The following PAX8 variants were observed in gnomAD, a reference collection of about 807,000 sequenced individuals.
The protein encoded by PAX8 is paired box 8, also known as paired box protein Pax-8.
A neutral mutation model predicts 52.4 loss-of-function variants in PAX8; 15 were observed. That is an observed-to-expected ratio of 0.29 (90% CI 0.19 to 0.44). The LOEUF (loss-of-function observed/expected upper bound fraction) is 0.44. Ranked by LOEUF, PAX8 falls within the 20% of genes least tolerant of loss-of-function variation. PAX8 has a pLI of 1.00. For missense variants in PAX8, 554 were observed against 602.5 expected, an observed-to-expected ratio of 0.92 and a Z score of 0.84; for synonymous variants, 284 against 249.7, an observed-to-expected ratio of 1.14 and a Z score of -1.29.
intron 2 of PAX8, chr2:113,267,963 G>A (rs1693200069): frequency 6.6e-6 from 1 of 152,244 alleles, no homozygotes; most frequent in Non-Finnish European, 1.5e-5. Context: ...CAGGTGTCCA[G>A]GCTATAAGAT....
intron 8 of PAX8, 145 bp from the exon 9 acceptor site, chr2:113,235,727 C>T: frequency 1.6e-6 from 1 of 627,020 alleles, no homozygotes; most frequent in Non-Finnish European, 2.7e-6. Flanking sequence ...TGGGGAGAGC[C>T]GGGGCCCACG....
intron 2 of PAX8, among the ~76,000 whole-genome samples, chr2:113,248,088 G>A (rs985272520): frequency 7.9e-5 from 12 of 152,152 alleles, no homozygotes; most frequent in African/African-American, 2.9e-4. Context: ...AGACTCAGAG[G>A]CAAGAGGATA....
At chr2:113,232,958 A>T (rs1345572137) in intron 9 of PAX8, among the ~76,000 whole-genome samples, 1 of 151,802 alleles carries the variant, frequency 6.6e-6, no homozygotes, top group Non-Finnish European at 1.5e-5. Context: ...CTAGCCTGCC[A>T]TTCTCAGAAG....
At chr2:113,230,367 C>T (rs1689817995) in intron 9 of PAX8, 1 of 152,336 alleles carries the variant, frequency 6.6e-6, no homozygotes, top group Admixed American at 6.5e-5. Context: ...AGGGCATATA[C>T]TCCCCTTACA....
chr2:113,273,383 CA>C (rs1693595586), intron 2 of PAX8: 2 of 152,190 alleles, frequency 1.3e-5, no homozygotes, highest in Non-Finnish European at 2.9e-5. Flanking sequence ...TGTTCCTAAG[CA>C]TAGAAGACTC....
chr2:113,243,403 T>G (rs953237327), intron 4 of PAX8, among the ~76,000 whole-genome samples: 1 of 152,144 alleles, frequency 6.6e-6, no homozygotes, highest in African/African-American at 2.4e-5. Context: ...CTTTCTTTTT[T>G]TTTTTGAGAT....
chr2:113,217,504 C>T lies in PAX8; in HGVS notation c.*1029G>A, dbSNP rs527418580. ...AGTCTGGGGGTTAGAAAGAAGGAAG[C>T]TTGACCCAAACAAAGTTTCATTTAC... On this transcript the variant is annotated 3_prime_UTR_variant, in exon 12 of 12. Coordinates refer to ENST00000429538, the MANE Select transcript of PAX8 (RefSeq NM_003466.4). 120 of 230,360 alleles carry T rather than the reference C, an allele frequency of 5.2e-4. No homozygotes were observed. Among genetic ancestry groups the T allele is most frequent in the Non-Finnish European group, 9.0e-4 (104 of 116,046 alleles). 14.3% of individuals were successfully genotyped at this position (230,360 alleles called of 1,614,324 possible).
chr2:113,242,267 C>T, intron 5 of PAX8, 137 bp from the exon 6 acceptor site: 1 of 687,916 alleles, frequency 1.5e-6, no homozygotes, highest in Non-Finnish European at 2.5e-6. Context: ...GTGGGACACC[C>T]CTTACAGCCC....
At chr2:113,269,922 G>C (rs942366785) in intron 2 of PAX8, 1 of 152,168 alleles carries the variant, frequency 6.6e-6, no homozygotes, top group Non-Finnish European at 1.5e-5. Context: ...TCAACACACA[G>C]TCCACAGACA....
intron 2 of PAX8, among the ~76,000 whole-genome samples, chr2:113,264,014 G>C (rs1383724745): frequency 1.3e-5 from 2 of 152,222 alleles, no homozygotes; most frequent in African/African-American, 4.8e-5. Flanking sequence ...GAAGCACTTA[G>C]TATATGTCTA....
At chr2:113,219,264 G>C (rs933471067) in intron 11 of PAX8, among the ~76,000 whole-genome samples, 4 of 152,178 alleles carry the variant, frequency 2.6e-5, no homozygotes, top group African/African-American at 9.7e-5. Flanking sequence ...GGGAGGAGAG[G>C]GGGTCTTGGG....
Position 113,217,307 on chromosome 2 carries a change from G to C in PAX8, c.*1226C>G, listed in dbSNP as rs1416942307. ...CGGCTACTCAGCTCTGATGTTCTTG[G>C]GAGAAAGCCCAGCCCCGGGATGCCT... is the stretch of plus-strand genomic sequence containing the variant. On this transcript the variant is annotated 3_prime_UTR_variant, in exon 12 of 12. Transcript: ENST00000429538. 1.8e-5 allele frequency: 4 copies of C among 227,098 alleles called. No homozygotes were observed. The highest frequency in any genetic ancestry group is 3.5e-5 in the Non-Finnish European group (4 of 114,060). The allele number at this position is 227,098 out of a possible 1,614,324, so 14.1% of individuals were successfully genotyped here.
intron 2 of PAX8, among the ~76,000 whole-genome samples, chr2:113,258,115 C>T (rs11887525): frequency 2.6e-5 from 4 of 152,046 alleles, no homozygotes; most frequent in East Asian, 1.9e-4. Context: ...TATGTCCTTT[C>T]GTCACCTACC....
chr2:113,224,836 AAATATAAAATAAAATAAAAT>A (rs1395932283), intron 10 of PAX8, among the ~76,000 whole-genome samples: 46 of 138,258 alleles, frequency 3.3e-4, no homozygotes, highest in African/African-American at 1.3e-3. Context: ...AAATAAAATA[AAATATAAAATAAAATAAAAT>A]AAAATAAAAT....
At chr2:113,257,176 CTCTT>C (rs1692324210) in intron 2 of PAX8, among the ~76,000 whole-genome samples, 1 of 152,200 alleles carries the variant, frequency 6.6e-6, no homozygotes, top group South Asian at 2.1e-4. Flanking sequence ...TCTCTTCTCT[CTCTT>C]CTAAAATCCT....
rs1172792266 is a variant in PAX8 at position 113,236,708 on chromosome 2, A to G, written c.791T>C (p.Leu264Pro). The G allele has an allele frequency of 6.4e-6, 10 of 1,571,682 alleles. No individual in the cohort carries two copies. Among genetic ancestry groups the G allele is most frequent in the East Asian group, 2.3e-5 (1 of 42,670 alleles). Residue 264 changes from leucine (L) to proline (P), a missense_variant, in exon 8 of 12, where the codon CTG (leucine) becomes CCG (proline). Coordinates refer to ENST00000429538, the MANE Select transcript of PAX8 (RefSeq NM_003466.4). ...GTCCAGGGTGCTGTTGAGCAAGGGC[A>G]GCGGGTAGAGGCCCTGGGGAGCAAA... ...HTKGEQGLYP[L>P]PLLNSTLDDG...
Position 113,222,644 on chromosome 2 carries a change from C to T in PAX8, c.1190-2466G>A, listed in dbSNP as rs141865911. 2.0e-5 allele frequency among the ~76,000 whole-genome samples: 3 copies of T among 152,298 alleles called. No individual in the cohort carries two copies. In the East Asian group the frequency reaches 5.8e-4, roughly 29 times the overall value. On this transcript the variant is annotated intron_variant, in intron 10 of 11. Transcript: ENST00000429538. ...TGATCCCGTTTTCTGTTTCATCAGT[C>T]TCTCCCTTCACCCTGCAAACATATT...
At chr2:113,235,197 A>C (rs1034375891) in intron 9 of PAX8, 197 bp downstream of exon 9, 7 of 580,854 alleles carry the variant, frequency 1.2e-5, no homozygotes, top group Non-Finnish European at 2.1e-5. Flanking sequence ...GCACCCCTAC[A>C]GCATCCGCCC....
Position 113,218,378 on chromosome 2 carries a change from G to T in PAX8, c.*155C>A. On this transcript the variant is annotated 3_prime_UTR_variant, in exon 12 of 12. Transcript: ENST00000429538. ...TGTCCAAGGTCATCCTGTCTTTCAT[G>T]GTTCATTAAATTAACCACACAGGGA... The T allele has an allele frequency of 2.0e-6, 1 of 487,930 alleles. No individual in the cohort carries two copies. The allele number at this position is 487,930 out of a possible 1,614,324, so 30.2% of individuals were successfully genotyped here.
Sources: allele counts gnomAD v4.1 joint callset (sites outside exome capture counted in the v4.1 genomes callset), GRCh38; gene constraint gnomAD v4.1.1; transcripts MANE v1.5; gene names NCBI Gene and HGNC (gene_info 2026-07-23, HGNC 2026-07-21).